Variants in BPNT1 observed in about 807,000 individuals in gnomAD.
BPNT1 encodes the protein 3'(2'),5'-bisphosphate nucleotidase 1.
A neutral mutation model predicts 36.9 loss-of-function variants in BPNT1; 28 were observed. That is an observed-to-expected ratio of 0.76 (90% CI 0.56 to 1.04). BPNT1 has a LOEUF of 1.04. BPNT1 is among the 50% of genes least tolerant of loss of function. BPNT1 has a pLI of 0.00. For missense variants in BPNT1, 313 were observed against 372.9 expected, an observed-to-expected ratio of 0.84 and a Z score of 1.32; for synonymous variants, 119 against 130.9, an observed-to-expected ratio of 0.91 and a Z score of 0.62.
At chr1:220,089,299 C>G (rs1052334554) in intron 1 of BPNT1, among the ~76,000 whole-genome samples, 9 of 152,242 alleles carry the variant, frequency 5.9e-5, no homozygotes, top group Admixed American at 5.9e-4. Flanking sequence ...AAGTACGTAT[C>G]TTTTGAACCA....
At chr1:220,086,796 G>A (rs1292870255) in intron 1 of BPNT1, among the ~76,000 whole-genome samples, 1 of 150,486 alleles carries the variant, frequency 6.6e-6, no homozygotes, top group Non-Finnish European at 1.5e-5. Flanking sequence ...GGCTAGTCTT[G>A]AACTCCTGAC....
chr1:220,059,877 A>G (rs41274790), intron 7 of BPNT1, 86 bp from the exon 8 acceptor site: 90,836 of 987,904 alleles, frequency 0.092, 4,607 homozygotes, highest in South Asian at 0.13. Context: ...GATAAGAAAA[A>G]CTGCTTGTTT....
At chr1:220,068,053 CTCAT>C (rs1311438076) in intron 5 of BPNT1, among the ~76,000 whole-genome samples, 1 of 152,122 alleles carries the variant, frequency 6.6e-6, no homozygotes, top group Non-Finnish European at 1.5e-5. Flanking sequence ...ATAGCGATGT[CTCAT>C]TCAAGAACAG....
At chr1:220,069,908 C>G (rs1282370120) in intron 4 of BPNT1, among the ~76,000 whole-genome samples, 2 of 150,172 alleles carry the variant, frequency 1.3e-5, no homozygotes, top group African/African-American at 4.9e-5. Flanking sequence ...TGCACTCCAG[C>G]CTGGATGACA....
chr1:220,084,114 C>T (rs985546454), intron 1 of BPNT1, among the ~76,000 whole-genome samples: 1 of 152,022 alleles, frequency 6.6e-6, no homozygotes, highest in African/African-American at 2.4e-5. Context: ...GGGTGGATCA[C>T]GAGGTCAGGA....
At chr1:220,086,299 C>A (rs191635422) in intron 1 of BPNT1, among the ~76,000 whole-genome samples, 390 of 152,216 alleles carry the variant, frequency 2.6e-3, no homozygotes, top group African/African-American at 8.9e-3. Flanking sequence ...GATATGTAGT[C>A]TCGCTCTGTC....
At position 220,062,910 on chromosome 1, in the gene BPNT1, T is replaced by A. The variant is rs772141345; in HGVS notation, c.519A>T (p.Leu173Phe). The A allele has an allele frequency of 6.2e-7, 1 of 1,613,998 alleles. No individual in the cohort carries two copies. The highest frequency in any genetic ancestry group is 8.5e-7 in the Non-Finnish European group (1 of 1,180,024). ...AVLGRTIWGV[L>F]GLGAFGFQLK... ...GCTGAAACCCAAAGGCGCCTAAACC[T>A]AAAACTCCCCAGATTGTCCTCCCCA... is the stretch of plus-strand genomic sequence containing the variant. The change falls in exon 7 of 9, where the codon TTA (leucine) becomes TTT (phenylalanine). Residue 173 changes from leucine (L) to phenylalanine (F), a missense_variant. Transcript: ENST00000322067.
intron 4 of BPNT1, among the ~76,000 whole-genome samples, chr1:220,072,098 C>G (rs1405944716): frequency 1.3e-5 from 2 of 150,698 alleles, no homozygotes; most frequent in African/African-American, 4.9e-5. Context: ...TAAGGTGGCT[C>G]AAGCCTGTAA....
At chr1:220,089,226 G>A (rs1327174477) in intron 1 of BPNT1, among the ~76,000 whole-genome samples, 2 of 152,036 alleles carry the variant, frequency 1.3e-5, no homozygotes, top group Non-Finnish European at 2.9e-5. Context: ...ACATGTTCCT[G>A]AGCATTGTTG....
At chr1:220,063,209 A>G (rs919645388) in intron 6 of BPNT1, among the ~76,000 whole-genome samples, 2 of 152,138 alleles carry the variant, frequency 1.3e-5, no homozygotes, top group East Asian at 1.9e-4. Context: ...TTAGCCGGGC[A>G]TGGTGGTGGG....
intron 6 of BPNT1, 74 bp from the exon 7 acceptor site, chr1:220,063,028 G>A: frequency 6.9e-7 from 1 of 1,456,820 alleles, no homozygotes; most frequent in Non-Finnish European, 9.6e-7. Context: ...GGAATATTCA[G>A]TTATATTAGC....
intron 2 of BPNT1, among the ~76,000 whole-genome samples, chr1:220,078,442 AATT>A (rs1664780174): frequency 7.2e-6 from 1 of 139,324 alleles, no homozygotes; most frequent in Admixed American, 7.9e-5. Context: ...TATATATAAT[AATT>A]ATACTTATAT....
intron 7 of BPNT1, among the ~76,000 whole-genome samples, chr1:220,061,733 T>C (rs928727067): frequency 2.6e-5 from 4 of 151,940 alleles, no homozygotes; most frequent in African/African-American, 7.2e-5. Context: ...TGAACTCAAA[T>C]TGGACACGCT....
At chr1:220,078,616 A>G (rs1382579803) in intron 2 of BPNT1, among the ~76,000 whole-genome samples, 1 of 147,094 alleles carries the variant, frequency 6.8e-6, no homozygotes, top group Non-Finnish European at 1.5e-5. Context: ...TATTTTTTTG[A>G]GATGTAGTCT....
At chr1:220,066,808 C>A (rs1571744354) in intron 6 of BPNT1, among the ~76,000 whole-genome samples, 1 of 152,242 alleles carries the variant, frequency 6.6e-6, no homozygotes, top group South Asian at 2.1e-4. Flanking sequence ...CACAGCGTTA[C>A]CTGGAAAACA....
rs770240390 is a variant in BPNT1, at chr1:220,072,950, G to C, written c.233C>G (p.Pro78Arg). 2 of 1,613,718 alleles carry C rather than the reference G, an allele frequency of 1.2e-6. No individual in the cohort carries two copies. The highest frequency in any genetic ancestry group is 2.2e-5 in the South Asian group (2 of 91,068). The change falls in exon 4 of 9, where the codon CCT becomes CGT. Residue 78 changes from proline to arginine, a missense_variant. Transcript: ENST00000322067. ...CAGCTCTTGATCCACTTCCTCAGAA[G>C]GCAGATCCTAAAGCAGAGATAACCC... is the stretch of plus-strand genomic sequence containing the variant. Reference protein sequence around the residue: ...KLTIIGEEDLPSEEVDQELIE... With the variant: ...KLTIIGEEDLRSEEVDQELIE...
rs965735232 is a variant in BPNT1, at chr1:220,058,757, G to A, written c.*87C>T. On this transcript the variant is annotated 3_prime_UTR_variant, in exon 9 of 9. Transcript: ENST00000322067. ...TTGCCCAGGCTGGTCTCAAACTCCT[G>A]AGCTCAAGTGATCCACCTGCCTCGG... 9.0e-6 allele frequency: 12 copies of A among 1,336,098 alleles called. No individual in the cohort carries two copies. The highest frequency in any genetic ancestry group is 7.1e-5 in the Admixed American group (4 of 56,334). 82.8% of individuals were successfully genotyped at this position (1,336,098 alleles called of 1,614,324 possible).
chr1:220,066,241 A>G, intron 6 of BPNT1: 1 of 534,164 alleles, frequency 1.9e-6, no homozygotes. Flanking sequence ...TATGAATTAA[A>G]TGCCCCTTTT....
At chr1:220,069,500 T>A (rs918680619) in intron 4 of BPNT1, 68 bp from the exon 5 acceptor site, 1 of 1,199,102 alleles carries the variant, frequency 8.3e-7, no homozygotes, top group African/African-American at 1.6e-5. Context: ...TAGATTTAAA[T>A]AGATTAAAAT....
Sources: gnomAD v4.1 joint callset for allele counts (sites outside exome capture counted in the v4.1 genomes callset) on GRCh38, gnomAD v4.1.1 for gene constraint, MANE v1.5 for transcripts, NCBI Gene and HGNC (gene_info 2026-07-23, HGNC 2026-07-21) for gene names.